Variants in STX5 observed in about 807,000 individuals in gnomAD.
The protein encoded by STX5 is syntaxin-5.
In STX5, 15 loss-of-function variants were observed where a neutral mutation model predicts 42.9. The observed-to-expected ratio is 0.35, with a 90% CI of 0.23 to 0.54. The LOEUF is 0.54. STX5 is among the 20% of genes least tolerant of loss of function. The pLI is 0.91. For synonymous variants in STX5, 184 were observed against 173.2 expected (o/e 1.06, Z -0.49); for missense variants, 430 against 455.0 (o/e 0.95, Z 0.50).
intron 10 of STX5, among the ~76,000 whole-genome samples, chr11:62,820,098 C>T (rs987071792): frequency 6.6e-6 from 1 of 151,348 alleles, no homozygotes; most frequent in Non-Finnish European, 1.5e-5. Flanking sequence ...CGGCCGGGTG[C>T]GGTGGCTCAT....
In STX5 at chr11:62,827,194, T is replaced by G; in HGVS notation, c.384A>C (p.Lys128Asn). The G allele has an allele frequency of 1.2e-6, 2 of 1,614,246 alleles. No homozygotes were observed. Among genetic ancestry groups the G allele is most frequent in the Non-Finnish European group, 1.7e-6 (2 of 1,180,042 alleles). ...ATGTTAGCTCTTCAATTTCCACTGC[T>G]TTATCATCAAAGAGGGACTTGCGCT... ...LAKRKSLFDD[K>N]AVEIEELTYI... The change falls in exon 5 of 11, where the codon AAA becomes AAC. Residue 128 changes from lysine to asparagine, a missense_variant. By Grantham distance (94) the Lys-to-Asn change is moderately conservative (BLOSUM62 0). Transcript: ENST00000294179.
In STX5 at chr11:62,807,599, A is replaced by T; in HGVS notation, c.938T>A (p.Leu313Gln). 1 of 1,614,188 alleles carries T rather than the reference A, an allele frequency of 6.2e-7. No individual in the cohort carries two copies. The highest frequency in any genetic ancestry group is 1.7e-5 in the Admixed American group (1 of 60,002). The change falls in exon 11 of 11, where the codon CTG becomes CAG. Residue 313 changes from leucine (L) to glutamine (Q), a missense_variant. Transcript: ENST00000294179. ...RIDENVLGAQ[L>Q]DVEAAHSEIL... ...CTCTGAATGGGCGGCCTCAACGTCC[A>T]GCTGGGCTCCTAGCACGTTCTCGTC... is the stretch of plus-strand genomic sequence containing the variant.
chr11:62,819,196 G>A (rs1476482096), intron 10 of STX5, among the ~76,000 whole-genome samples: 1 of 111,414 alleles, frequency 9.0e-6, no homozygotes, highest in Non-Finnish European at 1.7e-5. Context: ...ACTCCAGCCT[G>A]GGCAACAGAG....
At chr11:62,818,653 A>ACCTG (rs2084702551) in intron 10 of STX5, among the ~76,000 whole-genome samples, 1 of 149,878 alleles carries the variant, frequency 6.7e-6, no homozygotes, top group Non-Finnish European at 1.5e-5. Context: ...GGAGTTTGAG[A>ACCTG]CCTGCCTGGG....
chr11:62,827,925 T>C (rs1324525922), intron 2 of STX5, among the ~76,000 whole-genome samples: 2 of 151,578 alleles, frequency 1.3e-5, no homozygotes, highest in African/African-American at 2.4e-5. Context: ...TCTCCTATTG[T>C]TGCTAAGGTT....
intron 10 of STX5, among the ~76,000 whole-genome samples, chr11:62,820,849 T>C (rs2084733070): frequency 6.6e-6 from 1 of 152,158 alleles, no homozygotes; most frequent in African/African-American, 2.4e-5. Context: ...TCCTCTCTTG[T>C]CCTTCTTTTG....
intron 10 of STX5, among the ~76,000 whole-genome samples, chr11:62,814,155 A>G (rs554244533): frequency 6.6e-6 from 1 of 152,252 alleles, no homozygotes; most frequent in African/African-American, 2.4e-5. Flanking sequence ...GATGCTCAGA[A>G]AAGAGGAAGA....
At chr11:62,829,427 AAAAT>A (rs56250621) in intron 2 of STX5, among the ~76,000 whole-genome samples, 55 of 148,894 alleles carry the variant, frequency 3.7e-4, no homozygotes, top group East Asian at 2.8e-3. Flanking sequence ...TCCCATCTCA[AAAAT>A]AAATAAATAA....
Position 62,825,528 on chromosome 11 carries a change from G to A in STX5, c.435C>T (p.Ser145=), listed in dbSNP as rs1046762159. The change falls in exon 6 of 11, where the codon AGC becomes AGT. Residue 145 remains serine (S), a synonymous_variant. Coordinates refer to ENST00000294179, the MANE Select transcript of STX5 (RefSeq NM_003164.5). ...LTYIIKQDIN[S]LNKQIAQLQD... is the part of the protein sequence containing the mutation. ...GGAGCTGAGCAATTTGTTTGTTGAG[G>A]CTATTGATGTCCTGGTAAAAGAGTC... The A allele has an allele frequency of 1.2e-6, 2 of 1,613,524 alleles. No individual in the cohort carries two copies. The highest frequency in any genetic ancestry group is 1.7e-6 in the Non-Finnish European group (2 of 1,180,032).
chr11:62,810,026 C>T (rs1026173177), intron 10 of STX5, among the ~76,000 whole-genome samples: 17 of 144,068 alleles, frequency 1.2e-4, no homozygotes, highest in African/African-American at 2.8e-4. Context: ...CACTTGAACC[C>T]GGGAGGCGGA....
intron 10 of STX5, among the ~76,000 whole-genome samples, chr11:62,818,372 C>T (rs536089821): frequency 6.6e-6 from 1 of 150,808 alleles, no homozygotes; most frequent in Non-Finnish European, 1.5e-5. Flanking sequence ...GCCTGGCCAA[C>T]ATAGTGAAAC....
At chr11:62,817,871 A>T (rs1025291334) in intron 10 of STX5, among the ~76,000 whole-genome samples, 2 of 152,192 alleles carry the variant, frequency 1.3e-5, no homozygotes, top group South Asian at 4.1e-4. Context: ...ACCTGGAAAC[A>T]TATATATGTA....
At chr11:62,826,875 G>A (rs1485666977) in intron 5 of STX5, among the ~76,000 whole-genome samples, 2 of 127,192 alleles carry the variant, frequency 1.6e-5, no homozygotes. Context: ...GCAAAACTCT[G>A]CCTCAAAAAA....
intron 10 of STX5, chr11:62,807,915 G>C: frequency 4.7e-6 from 2 of 421,280 alleles, no homozygotes; most frequent in Non-Finnish European, 4.2e-6. Flanking sequence ...TCAGGCTACT[G>C]TCTGTCTTCA....
intron 10 of STX5, among the ~76,000 whole-genome samples, chr11:62,813,011 C>A (rs1165308951): frequency 6.7e-6 from 1 of 150,174 alleles, no homozygotes; most frequent in Non-Finnish European, 1.5e-5. Context: ...ACTTGGGAGG[C>A]TGAGGCAGAA....
intron 4 of STX5, 33 bp downstream of exon 4, chr11:62,827,310 G>T (rs1380935470): frequency 6.2e-7 from 1 of 1,614,072 alleles, no homozygotes; most frequent in Non-Finnish European, 8.5e-7. Context: ...TTGATTTACT[G>T]CCCCACTTCT....
intron 10 of STX5, among the ~76,000 whole-genome samples, chr11:62,813,922 A>G (rs1011796464): frequency 6.6e-6 from 1 of 152,108 alleles, no homozygotes; most frequent in African/African-American, 2.4e-5. Context: ...CAAGGACATC[A>G]TTTCAAGAAT....
At chr11:62,823,397 C>CT (rs1426623403) in intron 10 of STX5, among the ~76,000 whole-genome samples, 1 of 151,960 alleles carries the variant, frequency 6.6e-6, no homozygotes, top group African/African-American at 2.4e-5. Flanking sequence ...TGGTCTTGAA[C>CT]TCCTGAGTTC....
At chr11:62,830,647 G>C (rs1473458316) in intron 2 of STX5, 2 of 472,266 alleles carry the variant, frequency 4.2e-6, no homozygotes, top group Admixed American at 5.4e-5. Context: ...TTTTCTCATG[G>C]TTACAGAGCA....
Sources: allele counts gnomAD v4.1 joint callset (sites outside exome capture counted in the v4.1 genomes callset), GRCh38; gene constraint gnomAD v4.1.1; transcripts MANE v1.5; gene names NCBI Gene and HGNC (gene_info 2026-07-23, HGNC 2026-07-21).